RTRAF: variants seen among roughly 807,000 people sequenced by gnomAD.
The protein encoded by RTRAF is tRNA-splicing ligase complex subunit RTRAF.
In RTRAF, 14 loss-of-function variants were observed where a neutral mutation model predicts 34.4. That is an observed-to-expected ratio of 0.41 (90% confidence interval 0.27 to 0.64). RTRAF has a LOEUF of 0.64. Ranked by LOEUF, RTRAF falls within the 30% of genes least tolerant of loss-of-function variation. The probability of loss-of-function intolerance (pLI) is 0.34; values close to 1 mark genes in which losing one functional copy is unlikely to be tolerated. For missense variants in RTRAF, 291 were observed against 288.4 expected, an observed-to-expected ratio of 1.01 and a Z score of -0.06; for synonymous variants, 96 against 95.3, an observed-to-expected ratio of 1.01 and a Z score of -0.04.
At chr14:51,994,191 T>C (rs1267944044) in intron 3 of RTRAF, among the ~76,000 whole-genome samples, 1 of 152,256 alleles carries the variant, frequency 6.6e-6, no homozygotes. Context: ...AATGCCAATA[T>C]ACATTAATAC....
chr14:52,004,440 A>G lies in RTRAF; in HGVS notation c.659A>G (p.Asn220Ser), dbSNP rs754418609. 44 of 1,613,916 alleles carry G rather than the reference A, an allele frequency of 2.7e-5. No individual in the cohort carries two copies. The highest frequency in any genetic ancestry group is 3.3e-5 in the Non-Finnish European group (39 of 1,179,928). ...EELRELQTKI[N>S]EAIVAVQAII... is the part of the protein sequence containing the mutation. ...CTCAGAGAGCTACAGACAAAAATCA[A>G]CGAAGCCATAGTAGCTGTTCAGGCA... Residue 220 changes from asparagine to serine, a missense_variant, in exon 8 of 8, where the codon AAC (asparagine) becomes AGC (serine). Coordinates refer to ENST00000261700, the MANE Select transcript of RTRAF (RefSeq NM_016039.3).
chr14:52,004,183 T>G lies in RTRAF; in HGVS notation c.532-11T>G. 1 of 1,607,396 alleles carries G rather than the reference T, an allele frequency of 6.2e-7. No homozygotes were observed. Among genetic ancestry groups the G allele is most frequent in the South Asian group, 1.1e-5 (1 of 90,042 alleles). ...CATAAATACTCTCATTTTGTCTTTC[T>G]TTTTTTAAAGGGCTTACCTGTTGCT... On this transcript the variant is annotated splice_polypyrimidine_tract_variant and intron_variant, in intron 6 of 7. Coordinates refer to ENST00000261700, the MANE Select transcript of RTRAF (RefSeq NM_016039.3).
In RTRAF at chr14:52,006,750, G is replaced by A. The variant is rs576513088; in HGVS notation, c.*2234G>A. ...TGATAGTGACACAGTGATAGAATGG[G>A]GAAATAGGATATTTTACTTCCATTA... On this transcript the variant is annotated 3_prime_UTR_variant, in exon 8 of 8. Coordinates refer to ENST00000261700, the MANE Select transcript of RTRAF (RefSeq NM_016039.3). The A allele has an allele frequency of 1.2e-4, 165 of 1,381,982 alleles. No individual in the cohort carries two copies. The South Asian group carries it at 1.3e-3, about 11-fold the overall frequency. 85.6% of individuals were successfully genotyped at this position (1,381,982 alleles called of 1,614,324 possible). A position where few individuals can be genotyped will look rare whatever the true frequency, so the allele number is the denominator to read the frequency against.
At position 52,005,556 on chromosome 14, in the gene RTRAF, C is replaced by G. The variant is rs569888830; in HGVS notation, c.*1040C>G. 6.4e-7 allele frequency: 1 copy of G among 1,563,126 alleles called. No individual in the cohort carries two copies. Among genetic ancestry groups the G allele is most frequent in the East Asian group, 2.2e-5 (1 of 44,598 alleles). ...GGGTGAGTATATTGTAACCAAGTTG[C>G]AACAGCAAGTCTTTGCATTTTGTGT... On this transcript the variant is annotated 3_prime_UTR_variant, in exon 8 of 8. Transcript: ENST00000261700.
At chr14:52,004,288 A>G in intron 7 of RTRAF, 46 bp downstream of exon 7, 1 of 1,583,566 alleles carries the variant, frequency 6.3e-7, no homozygotes, top group Non-Finnish European at 8.5e-7. Flanking sequence ...TACAGACTGA[A>G]TACTTGGGAG....
At position 52,006,346 on chromosome 14, in the gene RTRAF, A is replaced by G; in HGVS notation, c.*1830A>G. ...CCATTCGATTTCTGGGTGAAGTAAAAGGATGATTTCAAAAACATGAAAGGA... is the reference window on the plus strand; with the variant it reads ...CCATTCGATTTCTGGGTGAAGTAAAGGGATGATTTCAAAAACATGAAAGGA... On this transcript the variant is annotated 3_prime_UTR_variant, in exon 8 of 8. Coordinates refer to ENST00000261700, the MANE Select transcript of RTRAF (RefSeq NM_016039.3). 3.4e-6 allele frequency: 2 copies of G among 591,664 alleles called. No homozygotes were observed. The highest frequency in any genetic ancestry group is 3.0e-5 in the East Asian group (1 of 33,834). 36.7% of individuals were successfully genotyped at this position (591,664 alleles called of 1,614,324 possible).
chr14:52,005,600 A>C lies in RTRAF; in HGVS notation c.*1084A>C, dbSNP rs769534665. The C allele has an allele frequency of 2.1e-5, 31 of 1,478,766 alleles. No individual in the cohort carries two copies. Among genetic ancestry groups the C allele is most frequent in the Non-Finnish European group, 2.9e-5 (31 of 1,067,826 alleles). The allele number at this position is 1,478,766 out of a possible 1,614,324, so 91.6% of individuals were successfully genotyped here. On this transcript the variant is annotated 3_prime_UTR_variant, in exon 8 of 8. Coordinates refer to ENST00000261700, the MANE Select transcript of RTRAF (RefSeq NM_016039.3). ...TTTGTGTATAAACTAGGTAGATTTA[A>C]GGTAGTAAAGACTGGCCCTCAGGGC...
At position 52,004,676 on chromosome 14, in the gene RTRAF, A is replaced by AGGAAGCCCAGAAAATTGGGTATGTTC; in HGVS notation, c.*160_*161insGGAAGCCCAGAAAATTGGGTATGTTC. 1.6e-6 allele frequency: 1 copy of AGGAAGCCCAGAAAATTGGGTATGTTC among 641,482 alleles called. No individual in the cohort carries two copies. Among genetic ancestry groups the AGGAAGCCCAGAAAATTGGGTATGTTC allele is most frequent in the Non-Finnish European group, 2.5e-6 (1 of 394,556 alleles). 39.7% of individuals were successfully genotyped at this position (641,482 alleles called of 1,614,324 possible). ...CCATTGCTTATTGCTTTTTTCTTTA[A>AGGAAGCCCAGAAAATTGGGTATGTTC]TAAAGTTTAGGAAAGTAGAATTTTT... On this transcript the variant is annotated 3_prime_UTR_variant, in exon 8 of 8. Coordinates refer to ENST00000261700, the MANE Select transcript of RTRAF (RefSeq NM_016039.3).
Position 51,998,577 on chromosome 14 carries a change from G to A in RTRAF, c.370G>A (p.Asp124Asn). The A allele has an allele frequency of 6.3e-7, 1 of 1,582,002 alleles. No homozygotes were observed. Among genetic ancestry groups the A allele is most frequent in the East Asian group, 2.3e-5 (1 of 43,460 alleles). The change falls in exon 4 of 8, where the codon GAT becomes AAT. Residue 124 changes from aspartate to asparagine, a missense_variant. Asp to Asn is a conservative substitution (Grantham distance 23). Transcript: ENST00000261700. ...AAATGCAGAACCATTGATCAATTTG[G>A]ATGGTGAGTATATAAATGCATAACA... ...TKNAEPLINL[D>N]VNNPDFKAGV...
rs1231671064 is a variant in RTRAF, at chr14:52,007,291, C to T, written c.*2775C>T. 1 of 155,204 alleles carries T rather than the reference C, an allele frequency of 6.4e-6. No homozygotes were observed. Among genetic ancestry groups the T allele is most frequent in the Non-Finnish European group, 1.4e-5 (1 of 70,256 alleles). 9.6% of individuals were successfully genotyped at this position (155,204 alleles called of 1,614,324 possible). A position where few individuals can be genotyped will look rare whatever the true frequency, so the allele number is the denominator to read the frequency against. The stretch of plus-strand genomic sequence containing the variant: ...TACATTAGGCCCTTTTATTAGATTA[C>T]AAATTCAAGAACAGTCTTTTTCATA... On this transcript the variant is annotated 3_prime_UTR_variant, in exon 8 of 8. Coordinates refer to ENST00000261700, the MANE Select transcript of RTRAF (RefSeq NM_016039.3).
chr14:52,004,205 T>C lies in RTRAF; in HGVS notation c.543T>C (p.Val181=), dbSNP rs1890664031. 1.2e-6 allele frequency: 2 copies of C among 1,613,044 alleles called. No individual in the cohort carries two copies. Among genetic ancestry groups the C allele is most frequent in the African/African-American group, 2.7e-5 (2 of 74,908 alleles). The change falls in exon 7 of 8, where the codon GTT becomes GTC. Residue 181 remains valine, a synonymous_variant. Coordinates refer to ENST00000261700, the MANE Select transcript of RTRAF (RefSeq NM_016039.3). ...KANQTKEGLP[V]ALDKHILGFD... Reference sequence around the variant, plus strand: ...TTCTTTTTTTAAAGGGCTTACCTGTTGCTTTAGACAAACATATTCTTGGTT... The same window carrying C: ...TTCTTTTTTTAAAGGGCTTACCTGTCGCTTTAGACAAACATATTCTTGGTT...
At chr14:51,991,571 G>A in intron 2 of RTRAF, 130 bp downstream of exon 2, 1 of 1,145,784 alleles carries the variant, frequency 8.7e-7, no homozygotes, top group Non-Finnish European at 1.2e-6. Flanking sequence ...TGGATTTCAG[G>A]GATTTTGCTT....
intron 3 of RTRAF, among the ~76,000 whole-genome samples, chr14:51,997,422 C>T (rs1216841237): frequency 2.6e-5 from 4 of 151,832 alleles, no homozygotes; most frequent in Non-Finnish European, 5.9e-5. Context: ...TTTCTGTCAT[C>T]ACGTATTTTG....
chr14:52,005,984 A>C lies in RTRAF; in HGVS notation c.*1468A>C. 1.5e-6 allele frequency: 1 copy of C among 654,620 alleles called. No individual in the cohort carries two copies. The highest frequency in any genetic ancestry group is 2.8e-6 in the Non-Finnish European group (1 of 363,530). The allele number at this position is 654,620 out of a possible 1,614,324, so 40.6% of individuals were successfully genotyped here. A position where few individuals can be genotyped will look rare whatever the true frequency, so the allele number is the denominator to read the frequency against. Reference sequence around the variant, plus strand: ...CTGTCCCAGGGCTGGTGCTAAAGCCATACTGAAGTTTGAAGACCATTGCTC... The same window carrying C: ...CTGTCCCAGGGCTGGTGCTAAAGCCCTACTGAAGTTTGAAGACCATTGCTC... On this transcript the variant is annotated 3_prime_UTR_variant, in exon 8 of 8. Transcript: ENST00000261700.
chr14:52,007,993 A>G lies in RTRAF; in HGVS notation c.*3477A>G, dbSNP rs767956582. ...CTGTAAGTTAAAAATCAAGATTGTA[A>G]AAGAATAGCCATGTAGCCTGTGGTA... On this transcript the variant is annotated 3_prime_UTR_variant, in exon 8 of 8. Transcript: ENST00000261700. The G allele has an allele frequency of 2.5e-6, 4 of 1,586,160 alleles. No homozygotes were observed. The South Asian group carries it at 3.5e-5, about 14-fold the overall frequency.
Position 52,004,221 on chromosome 14 carries a change from A to G in RTRAF, c.559A>G (p.Ile187Val), listed in dbSNP as rs1890664338. 1 of 1,613,532 alleles carries G rather than the reference A, an allele frequency of 6.2e-7. No individual in the cohort carries two copies. Among genetic ancestry groups the G allele is most frequent in the Non-Finnish European group, 8.5e-7 (1 of 1,179,598 alleles). The change falls in exon 7 of 8, where the codon ATT becomes GTT. Residue 187 changes from isoleucine (I) to valine (V), a missense_variant. Physicochemically the swap from Ile to Val is conservative, Grantham distance 29. Coordinates refer to ENST00000261700, the MANE Select transcript of RTRAF (RefSeq NM_016039.3). ...CTTACCTGTTGCTTTAGACAAACAT[A>G]TTCTTGGTTTTGACACAGGAGGTAA... ...EGLPVALDKH[I>V]LGFDTGDAVL...
Position 51,991,067 on chromosome 14 carries a change from C to T in RTRAF, c.62-250C>T, listed in dbSNP as rs900824710. 2.1e-4 allele frequency among the ~76,000 whole-genome samples: 32 copies of T among 152,134 alleles called. 1 individual carries two copies. The highest frequency in any genetic ancestry group is 2.1e-3 in the Admixed American group (32 of 15,270). On this transcript the variant is annotated intron_variant, in intron 1 of 7. Coordinates refer to ENST00000261700, the MANE Select transcript of RTRAF (RefSeq NM_016039.3). ...CATTTTGTAGCTGAAGAGTCTGAGGCACAGAAAATGTGGGTGATTATCCCA... is the reference window on the plus strand; with the variant it reads ...CATTTTGTAGCTGAAGAGTCTGAGGTACAGAAAATGTGGGTGATTATCCCA...
rs1890811716 is a variant in RTRAF, at chr14:52,007,006, T to C, written c.*2490T>C. The C allele has an allele frequency of 6.0e-6, 1 of 166,942 alleles. No homozygotes were observed. The highest frequency in any genetic ancestry group is 1.3e-5 in the Non-Finnish European group (1 of 76,472). The allele number at this position is 166,942 out of a possible 1,614,324, so 10.3% of individuals were successfully genotyped here. On this transcript the variant is annotated 3_prime_UTR_variant, in exon 8 of 8. Transcript: ENST00000261700. ...GTAAATACTTGCCCTTTGTAAGCTA[T>C]GTCTATAATTACTGAGGCAACCTTT...
At chr14:51,991,051 G>A (rs1357878345) in intron 1 of RTRAF, among the ~76,000 whole-genome samples, 1 of 152,082 alleles carries the variant, frequency 6.6e-6, no homozygotes, top group Non-Finnish European at 1.5e-5. Flanking sequence ...TCATTTTGTA[G>A]CTGAAGAGTC....
Sources: gnomAD v4.1 joint callset for allele counts (sites outside exome capture counted in the v4.1 genomes callset) on GRCh38, gnomAD v4.1.1 for gene constraint, MANE v1.5 for transcripts, NCBI Gene and HGNC (gene_info 2026-07-23, HGNC 2026-07-21) for gene names.